STAU2: variants seen among roughly 807,000 people sequenced by gnomAD.
The protein encoded by STAU2 is staufen double-stranded RNA binding protein 2.
In STAU2, 20 loss-of-function variants were observed where a neutral mutation model predicts 65.9. That is an observed-to-expected ratio of 0.30 (90% confidence interval 0.21 to 0.44). STAU2 has a LOEUF of 0.44. Ranked by LOEUF, STAU2 falls within the 20% of genes least tolerant of loss-of-function variation. The pLI, the probability that STAU2 is intolerant of heterozygous loss-of-function variation, is 1.00. For synonymous variants in STAU2, 232 were observed against 233.9 expected (o/e 0.99, Z 0.07); for missense variants, 558 against 683.9 (o/e 0.82, Z 2.05).
chr8:73,452,940 A>G (rs991523877), intron 13 of STAU2, among the ~76,000 whole-genome samples: 1 of 152,246 alleles, frequency 6.6e-6, no homozygotes, highest in Non-Finnish European at 1.5e-5. Context: ...GTTTAGAAAC[A>G]ATAAAATGTA....
At chr8:73,613,284 A>G (rs1007906048) in intron 9 of STAU2, among the ~76,000 whole-genome samples, 3 of 152,172 alleles carry the variant, frequency 2.0e-5, no homozygotes, top group African/African-American at 7.2e-5. Flanking sequence ...ATGATATCCT[A>G]AGAAGTTACT....
chr8:73,672,302 C>T (rs376798207), intron 6 of STAU2: 1 of 152,202 alleles, frequency 6.6e-6, no homozygotes, highest in East Asian at 1.9e-4. Flanking sequence ...CAGGCAAAAA[C>T]TAGTCTATGA....
intron 13 of STAU2, chr8:73,550,185 A>G: frequency 2.0e-6 from 2 of 985,332 alleles, no homozygotes; most frequent in Non-Finnish European, 2.4e-6. Context: ...ATTCATTAGT[A>G]TGTAAAAATC....
intron 3 of STAU2, among the ~76,000 whole-genome samples, chr8:73,709,525 TG>T (rs1820741403): frequency 6.6e-6 from 1 of 152,076 alleles, no homozygotes. Context: ...AACTAAATTT[TG>T]TCTACCTTCT....
At chr8:73,678,274 T>A (rs1818151919) in intron 5 of STAU2, among the ~76,000 whole-genome samples, 1 of 152,226 alleles carries the variant, frequency 6.6e-6, no homozygotes, top group Admixed American at 6.5e-5. Context: ...CTCGTAAAGC[T>A]GGCATTCAAG....
intron 5 of STAU2, among the ~76,000 whole-genome samples, chr8:73,673,448 T>C (rs1019152717): frequency 2.0e-5 from 3 of 152,184 alleles, no homozygotes; most frequent in African/African-American, 7.2e-5. Flanking sequence ...CAATGTTTTC[T>C]GTACATTAAT....
Position 73,545,999 on chromosome 8 carries a change from G to A in STAU2, c.1530+6013C>T, listed in dbSNP as rs371736059. On this transcript the variant is annotated intron_variant, in intron 13 of 14. Transcript: ENST00000524300. ...GCTCTGTCATCCAAGCTGGAGTGCA[G>A]TGGTGGGGTCTTGGCTCACTGCACT... Among the ~76,000 whole-genome samples the A allele has an allele frequency of 6.6e-4, 100 of 151,602 alleles. No individual in the cohort carries two copies. The South Asian group carries it at 0.019, about 29-fold the overall frequency.
At chr8:73,746,875 G>A, upstream of STAU2, 1 of 1,180,798 alleles carries the variant, frequency 8.5e-7, no homozygotes, top group Non-Finnish European at 1.0e-6. Context: ...TCCACCCCTC[G>A]GGCTCCCCGC....
intron 5 of STAU2, among the ~76,000 whole-genome samples, chr8:73,688,239 C>T (rs574491632): frequency 2.7e-5 from 4 of 149,338 alleles, no homozygotes; most frequent in Admixed American, 6.7e-5. Flanking sequence ...TGCAATGGCG[C>T]GATCTTGGCT....
intron 6 of STAU2, among the ~76,000 whole-genome samples, chr8:73,656,923 T>C (rs1816420091): frequency 6.6e-6 from 1 of 152,084 alleles, no homozygotes; most frequent in African/African-American, 2.4e-5. Flanking sequence ...CGGAAAGCAG[T>C]GATTGTTATG....
chr8:73,739,189 C>A (rs966204807), intron 2 of STAU2, among the ~76,000 whole-genome samples: 7 of 145,002 alleles, frequency 4.8e-5, no homozygotes, highest in Non-Finnish European at 7.5e-5. Context: ...GCCGAGATTG[C>A]GCCATTGCAC....
chr8:73,579,983 TG>T (rs1246532471), intron 12 of STAU2, among the ~76,000 whole-genome samples: 2 of 152,192 alleles, frequency 1.3e-5, no homozygotes, highest in African/African-American at 4.8e-5. Flanking sequence ...TAAATGCACA[TG>T]TACATTAATG....
intron 6 of STAU2, among the ~76,000 whole-genome samples, chr8:73,635,382 T>A (rs1445254747): frequency 6.6e-6 from 1 of 152,210 alleles, no homozygotes; most frequent in Non-Finnish European, 1.5e-5. Context: ...TCCCTTTTTT[T>A]TCTTTTAATA....
At chr8:73,699,795 C>T (rs1037179663) in intron 4 of STAU2, among the ~76,000 whole-genome samples, 3 of 145,312 alleles carry the variant, frequency 2.1e-5, no homozygotes, top group African/African-American at 2.6e-5. Flanking sequence ...TAGAGGAGGA[C>T]GGAATGCTTC....
intron 13 of STAU2, among the ~76,000 whole-genome samples, chr8:73,544,426 C>T (rs1806759185): frequency 6.6e-6 from 1 of 152,164 alleles, no homozygotes; most frequent in African/African-American, 2.4e-5. Context: ...AGTCAGTGGT[C>T]TTTGTCTAAT....
In STAU2 at chr8:73,483,747, T is replaced by C. The variant is rs936260431; in HGVS notation, c.1531-61045A>G. On this transcript the variant is annotated intron_variant, in intron 13 of 14. Coordinates refer to ENST00000524300, the MANE Select transcript of STAU2 (RefSeq NM_001164380.2). ...AGGAAGTAAGCTATCACTGAAATAA[T>C]GAGCAGGAATTCCATTAAGGCTCCA... Among the ~76,000 whole-genome samples the C allele has an allele frequency of 2.0e-5, 3 of 152,228 alleles. No individual in the cohort carries two copies. The East Asian group carries it at 5.8e-4, about 29-fold the overall frequency.
At chr8:73,687,412 T>TATAAATA in intron 5 of STAU2, among the ~76,000 whole-genome samples, 1 of 115,478 alleles carries the variant, frequency 8.7e-6, no homozygotes, top group South Asian at 2.7e-4. Context: ...TATATTTAAA[T>TATAAATA]TAATTTAAAT....
chr8:73,596,264 T>C (rs1811179554), intron 10 of STAU2, among the ~76,000 whole-genome samples: 1 of 152,192 alleles, frequency 6.6e-6, no homozygotes, highest in African/African-American at 2.4e-5. Context: ...TACTGCACAA[T>C]GTTGCTTTGA....
chr8:73,738,485 A>G (rs1806602431), intron 2 of STAU2, 136 bp from the exon 3 acceptor site: 4 of 661,916 alleles, frequency 6.0e-6, no homozygotes, highest in Non-Finnish European at 9.7e-6. Flanking sequence ...TTCTATGATG[A>G]TAAAAATGTT....
Sources: allele counts gnomAD v4.1 joint callset (sites outside exome capture counted in the v4.1 genomes callset), GRCh38; gene constraint gnomAD v4.1.1; transcripts MANE v1.5; gene names NCBI Gene and HGNC (gene_info 2026-07-23, HGNC 2026-07-21).